Variants in TNPO3 observed in about 807,000 individuals in gnomAD.
TNPO3 encodes the protein transportin-3.
TNPO3 carries 65 observed loss-of-function variants against 122.8 expected under a neutral mutation model. The observed-to-expected ratio is 0.53, with a 90% CI of 0.43 to 0.65. TNPO3 has a LOEUF of 0.65. Among genes scored for constraint, TNPO3 ranks in the 30% least tolerant of loss-of-function variants. The probability of loss-of-function intolerance (pLI) is 0.00; values close to 1 mark genes in which losing one functional copy is unlikely to be tolerated. For missense variants in TNPO3, 850 were observed against 1,136.7 expected, an observed-to-expected ratio of 0.75 and a Z score of 3.63; for synonymous variants, 372 against 411.2, an observed-to-expected ratio of 0.90 and a Z score of 1.15.
At chr7:129,025,075 G>A (rs113745329) in intron 1 of TNPO3, among the ~76,000 whole-genome samples, 11 of 151,748 alleles carry the variant, frequency 7.2e-5, no homozygotes, top group South Asian at 2.1e-4. Flanking sequence ...CAGGCCGGGC[G>A]CAGTGGCTCA....
intron 1 of TNPO3, among the ~76,000 whole-genome samples, chr7:129,037,834 A>C (rs73721687): frequency 3.3e-5 from 5 of 152,282 alleles, no homozygotes; most frequent in Admixed American, 6.5e-5. Flanking sequence ...GCCTATAATA[A>C]TACTACCAAC....
intron 1 of TNPO3, among the ~76,000 whole-genome samples, chr7:129,049,662 T>A (rs1054710458): frequency 1.3e-5 from 2 of 152,198 alleles, no homozygotes; most frequent in African/African-American, 4.8e-5. Context: ...GTAAAGATCT[T>A]TTTTAAAAAA....
rs1809318511 is a variant in TNPO3, at chr7:129,054,986, T to C, written c.-216A>G. 1 of 570,972 alleles carries C rather than the reference T, an allele frequency of 1.8e-6. No homozygotes were observed. Among genetic ancestry groups the C allele is most frequent in the South Asian group, 2.1e-5 (1 of 47,800 alleles). The allele number at this position is 570,972 out of a possible 1,614,324, so 35.4% of individuals were successfully genotyped here. A position where few individuals can be genotyped will look rare whatever the true frequency, so the allele number is the denominator to read the frequency against. On this transcript the variant is annotated 5_prime_UTR_variant, in exon 1 of 23. Transcript: ENST00000265388. ...TCGTATTCAGGTTCCTGGCCTTTTT[T>C]CCGGTTTTTCCACTTGATTCTAGAC...
chr7:128,959,404 G>A (rs1797217780), intron 21 of TNPO3, among the ~76,000 whole-genome samples: 1 of 152,144 alleles, frequency 6.6e-6, no homozygotes, highest in Non-Finnish European at 1.5e-5. Flanking sequence ...TCATTGTGTT[G>A]CCCAGGCTGC....
intron 4 of TNPO3, among the ~76,000 whole-genome samples, chr7:129,014,261 G>A (rs941218941): frequency 2.6e-5 from 4 of 152,126 alleles, no homozygotes; most frequent in African/African-American, 7.2e-5. Context: ...AGTGGCTCAC[G>A]CCTGTAATCC....
intron 4 of TNPO3, among the ~76,000 whole-genome samples, chr7:129,006,655 T>C (rs1220530089): frequency 6.6e-6 from 1 of 152,206 alleles, no homozygotes. Flanking sequence ...TCCCATAATG[T>C]ATTATTAAAT....
At chr7:129,000,812 A>G (rs1044941469) in intron 6 of TNPO3, among the ~76,000 whole-genome samples, 1 of 152,184 alleles carries the variant, frequency 6.6e-6, no homozygotes, top group Admixed American at 6.5e-5. Context: ...CCATCAAATC[A>G]CACTTGATAT....
At chr7:128,955,524 CAAAT>C (rs1796813245) in intron 22 of TNPO3, 139 bp from the exon 23 acceptor site, 1 of 347,178 alleles carries the variant, frequency 2.9e-6, no homozygotes, top group Non-Finnish European at 5.6e-6. Flanking sequence ...AAAAAATAAA[CAAAT>C]AAATAAAAGT....
rs905591795 is a variant in TNPO3 at position 128,982,094 on chromosome 7, T to C, written c.1859+154A>G. Among the ~76,000 whole-genome samples, 30 of 152,332 alleles carry C rather than the reference T, an allele frequency of 2.0e-4. 1 individual carries two copies. Among genetic ancestry groups the C allele is most frequent in the African/African-American group, 6.3e-4 (26 of 41,576 alleles). On this transcript the variant is annotated intron_variant, in intron 14 of 22. Coordinates refer to ENST00000265388, the MANE Select transcript of TNPO3 (RefSeq NM_012470.4). ...GGAATGAATTCTTAGAATTTGCCTT[T>C]GCCCCAGAACTTCAGGTAACAGCTG...
chr7:128,980,119 T>G, intron 14 of TNPO3, 88 bp from the exon 15 acceptor site: 1 of 1,117,822 alleles, frequency 8.9e-7, no homozygotes, highest in Non-Finnish European at 1.4e-6. Flanking sequence ...TTACTTAGTA[T>G]CATTTTCACC....
intron 11 of TNPO3, among the ~76,000 whole-genome samples, chr7:128,989,700 A>T (rs1800547560): frequency 6.6e-6 from 1 of 152,240 alleles, no homozygotes; most frequent in Non-Finnish European, 1.5e-5. Context: ...AGAAATGTTC[A>T]TGCTTAAACA....
chr7:128,992,400 C>A (rs1800836991), intron 9 of TNPO3, among the ~76,000 whole-genome samples: 1 of 152,040 alleles, frequency 6.6e-6, no homozygotes, highest in Non-Finnish European at 1.5e-5. Flanking sequence ...CTGATAATAA[C>A]TGATAAATAC....
chr7:128,967,418 T>C, intron 20 of TNPO3, 26 bp from the exon 21 acceptor site: 1 of 1,497,578 alleles, frequency 6.7e-7, no homozygotes, highest in Non-Finnish European at 9.3e-7. Context: ...GGGTAAGAGT[T>C]TTAAAAGGAA....
intron 1 of TNPO3, among the ~76,000 whole-genome samples, chr7:129,047,362 G>A (rs1450761222): frequency 6.6e-6 from 1 of 152,124 alleles, no homozygotes; most frequent in African/African-American, 2.4e-5. Flanking sequence ...AGTAGGGGTG[G>A]ACAAATGAAA....
chr7:129,040,419 A>C (rs1012641408), intron 1 of TNPO3, among the ~76,000 whole-genome samples: 1 of 152,166 alleles, frequency 6.6e-6, no homozygotes, highest in Non-Finnish European at 1.5e-5. Flanking sequence ...GTGGTGATGT[A>C]AGTCAGAATA....
At chr7:129,019,008 C>T (rs1221026326) in intron 1 of TNPO3, among the ~76,000 whole-genome samples, 1 of 152,188 alleles carries the variant, frequency 6.6e-6, no homozygotes, top group Non-Finnish European at 1.5e-5. Context: ...CATGAGCCAC[C>T]GTGCCTGGCC....
intron 22 of TNPO3, among the ~76,000 whole-genome samples, chr7:128,955,775 A>G (rs1400768252): frequency 6.6e-6 from 1 of 152,252 alleles, no homozygotes. Flanking sequence ...TACTAATAAC[A>G]GTTGAAAACA....
In TNPO3 at chr7:128,975,864, A is replaced by G. The variant is rs914190332; in HGVS notation, c.2133T>C (p.Tyr711=). ...LYLGSILVDE[Y]GMEEGCRQGL... ...CCTGCCGACAGCCTTCTTCCATGCC[A>G]TATTCATCCACAAGGATACTGCCAA... Residue 711 remains tyrosine (Y), a synonymous_variant, in exon 17 of 23, where the codon TAT becomes TAC. Coordinates refer to ENST00000265388, the MANE Select transcript of TNPO3 (RefSeq NM_012470.4). 11 of 1,614,014 alleles carry G rather than the reference A, an allele frequency of 6.8e-6. No homozygotes were observed. The highest frequency in any genetic ancestry group is 9.3e-6 in the Non-Finnish European group (11 of 1,179,968).
At chr7:129,028,944 G>T in intron 1 of TNPO3, 1 of 441,654 alleles carries the variant, frequency 2.3e-6, no homozygotes, top group South Asian at 1.7e-5. Context: ...CTTGATGAAG[G>T]TTTTACTGCC....
Sources: gnomAD v4.1 joint callset for allele counts (sites outside exome capture counted in the v4.1 genomes callset) on GRCh38, gnomAD v4.1.1 for gene constraint, MANE v1.5 for transcripts, NCBI Gene and HGNC (gene_info 2026-07-23, HGNC 2026-07-21) for gene names.